The following GALNT17 variants were observed in gnomAD, a reference collection of about 807,000 sequenced individuals.
GALNT17 encodes polypeptide N-acetylgalactosaminyltransferase 17, also known as UDP-GalNAc:polypeptide N-acetylgalactosaminyltransferase-like 3.
A neutral mutation model predicts 63.7 loss-of-function variants in GALNT17; 29 were observed. The ratio of observed to expected loss-of-function variants is 0.46; its 90% CI spans 0.34 to 0.62. The LOEUF (loss-of-function observed/expected upper bound fraction) is 0.62, where lower values mean the gene tolerates loss of function less well. Among genes scored for constraint, GALNT17 ranks in the 20% least tolerant of loss-of-function variants. GALNT17 has a pLI of 0.01. For synonymous variants in GALNT17, 305 were observed against 318.3 expected (o/e 0.96, Z 0.45); for missense variants, 603 against 799.6 (o/e 0.75, Z 2.97).
At chr7:71,640,858 A>C (rs113413323) in intron 6 of GALNT17, among the ~76,000 whole-genome samples, 7 of 151,460 alleles carry the variant, frequency 4.6e-5, no homozygotes, top group African/African-American at 1.7e-4. Flanking sequence ...AAAAAAAAAA[A>C]CTAAACTAAA....
chr7:71,700,569 T>C (rs937039284), intron 9 of GALNT17, among the ~76,000 whole-genome samples: 1 of 152,088 alleles, frequency 6.6e-6, no homozygotes, highest in Non-Finnish European at 1.5e-5. Context: ...CTCCCCCACC[T>C]CTATACTCCA....
chr7:71,227,645 A>G (rs1175254149), intron 1 of GALNT17, among the ~76,000 whole-genome samples: 1 of 152,106 alleles, frequency 6.6e-6, no homozygotes, highest in African/African-American at 2.4e-5. Flanking sequence ...ATTTGATTTG[A>G]TGGCATACAG....
At chr7:71,404,081 C>A (rs1793286207) in intron 3 of GALNT17, among the ~76,000 whole-genome samples, 1 of 152,150 alleles carries the variant, frequency 6.6e-6, no homozygotes, top group Non-Finnish European at 1.5e-5. Flanking sequence ...GGGGAGACAA[C>A]TTGGAGCTCT....
chr7:71,484,409 A>T (rs1035303243), intron 5 of GALNT17, among the ~76,000 whole-genome samples: 2 of 151,902 alleles, frequency 1.3e-5, no homozygotes, highest in African/African-American at 4.8e-5. Context: ...AATGGCTTGA[A>T]CTCAGGAGGC....
chr7:71,426,278 A>C (rs1336834442), intron 5 of GALNT17, among the ~76,000 whole-genome samples: 1 of 152,154 alleles, frequency 6.6e-6, no homozygotes, highest in African/African-American at 2.4e-5. Flanking sequence ...CAACCTGTAG[A>C]GATTCCCCTC....
intron 1 of GALNT17, among the ~76,000 whole-genome samples, chr7:71,237,526 A>AG (rs1467158897): frequency 6.6e-6 from 1 of 150,602 alleles, no homozygotes; most frequent in South Asian, 2.1e-4. Context: ...AAAAAAAAAA[A>AG]AAAAAAGAAA....
intron 2 of GALNT17, among the ~76,000 whole-genome samples, chr7:71,362,867 T>C (rs1364263358): frequency 4.6e-5 from 7 of 152,210 alleles, no homozygotes; most frequent in East Asian, 3.9e-4. Flanking sequence ...TGTTTGATGC[T>C]GTGTAAATCT....
intron 1 of GALNT17, among the ~76,000 whole-genome samples, chr7:71,225,607 A>G (rs1789666551): frequency 6.6e-6 from 1 of 152,174 alleles, no homozygotes; most frequent in African/African-American, 2.4e-5. Flanking sequence ...ACTTCCCGAA[A>G]TGTCTTGTTC....
Position 71,264,778 on chromosome 7 carries a change from C to T in GALNT17, c.239-70772C>T, listed in dbSNP as rs563706704. ...ACTCATATGTGGAAGTTAAAAAAGT[C>T]GACCTCATGGGGCCAGAGAGTGAAG... On this transcript the variant is annotated intron_variant, in intron 1 of 10. Transcript: ENST00000333538. Among the ~76,000 whole-genome samples, 11 of 151,994 alleles carry T rather than the reference C, an allele frequency of 7.2e-5. No homozygotes were observed. The South Asian group carries it at 1.7e-3, about 23-fold the overall frequency.
intron 1 of GALNT17, among the ~76,000 whole-genome samples, chr7:71,283,263 A>G (rs925083250): frequency 6.6e-6 from 1 of 151,368 alleles, no homozygotes; most frequent in Non-Finnish European, 1.5e-5. Context: ...TTCTTTTCAA[A>G]CTCCTAGGCT....
intron 5 of GALNT17, among the ~76,000 whole-genome samples, chr7:71,533,253 C>T (rs564252109): frequency 2.2e-4 from 33 of 152,252 alleles, no homozygotes; most frequent in African/African-American, 7.5e-4. Flanking sequence ...ATAAAACAAA[C>T]ATGATGTATA....
intron 5 of GALNT17, among the ~76,000 whole-genome samples, chr7:71,521,164 C>T (rs879547398): frequency 3.3e-5 from 5 of 151,956 alleles, no homozygotes; most frequent in Non-Finnish European, 7.4e-5. Flanking sequence ...GCAATTCCAG[C>T]TTGGCATGTA....
chr7:71,151,677 G>A (rs1020588137), intron 1 of GALNT17, among the ~76,000 whole-genome samples: 2 of 151,196 alleles, frequency 1.3e-5, no homozygotes, highest in African/African-American at 4.9e-5. Context: ...AGTGTTACTA[G>A]TACTCTATTT....
chr7:71,239,739 C>G (rs1218446214), intron 1 of GALNT17, among the ~76,000 whole-genome samples: 1 of 152,170 alleles, frequency 6.6e-6, no homozygotes, highest in Non-Finnish European at 1.5e-5. Context: ...GGGACACAGA[C>G]AAGCTGGGAC....
chr7:71,351,346 G>T (rs1792185961), intron 2 of GALNT17, among the ~76,000 whole-genome samples: 1 of 151,956 alleles, frequency 6.6e-6, no homozygotes, highest in African/African-American at 2.4e-5. Context: ...AATGAATCTG[G>T]GATTTATTTC....
intron 5 of GALNT17, among the ~76,000 whole-genome samples, chr7:71,565,284 G>C (rs1390814117): frequency 2.6e-5 from 4 of 151,942 alleles, no homozygotes; most frequent in South Asian, 4.2e-4. Flanking sequence ...AAAAAATCAG[G>C]CTCCTGACGG....
chr7:71,234,248 G>A lies in GALNT17; in HGVS notation c.238+101208G>A, dbSNP rs1583784395. ...TTTCTGAGCTATCTGTAAGGACATT[G>A]CATTTAATTTTATAAGTTTATTTAT... On this transcript the variant is annotated intron_variant, in intron 1 of 10. Transcript: ENST00000333538. 2.6e-5 allele frequency among the ~76,000 whole-genome samples: 4 copies of A among 152,182 alleles called. No individual in the cohort carries two copies. In the East Asian group the frequency reaches 5.8e-4, roughly 22 times the overall value.
Position 71,217,413 on chromosome 7 carries a change from A to G in GALNT17, c.238+84373A>G, listed in dbSNP as rs549135796. On this transcript the variant is annotated intron_variant, in intron 1 of 10. Coordinates refer to ENST00000333538, the MANE Select transcript of GALNT17 (RefSeq NM_022479.3). ...GTTTAGTTTTCATGAGCCTTCAGTA[A>G]TCAGCATATTGTTGCATTTGATTTA... is the stretch of plus-strand genomic sequence containing the variant. Among the ~76,000 whole-genome samples, 3 of 152,092 alleles carry G rather than the reference A, an allele frequency of 2.0e-5. No homozygotes were observed. In the East Asian group the frequency reaches 5.8e-4, roughly 29 times the overall value.
rs145454669 is a variant in GALNT17 at position 71,515,501 on chromosome 7, C to T, written c.963-55784C>T. On this transcript the variant is annotated intron_variant, in intron 5 of 10. Transcript: ENST00000333538. ...GTGGTCAAGAAAGGACTTCATCAGACGCAGTGATAGTGTCTTTCGAGGTTG... is the reference window on the plus strand; with the variant it reads ...GTGGTCAAGAAAGGACTTCATCAGATGCAGTGATAGTGTCTTTCGAGGTTG... 5.4e-4 allele frequency among the ~76,000 whole-genome samples: 82 copies of T among 152,284 alleles called. 1 individual carries two copies. In the East Asian group the frequency reaches 8.7e-3, roughly 16 times the overall value.
Sources: gnomAD v4.1 joint callset for allele counts (sites outside exome capture counted in the v4.1 genomes callset) on GRCh38, gnomAD v4.1.1 for gene constraint, MANE v1.5 for transcripts, NCBI Gene and HGNC (gene_info 2026-07-23, HGNC 2026-07-21) for gene names.